PPP2R2B: variants seen among roughly 807,000 people sequenced by gnomAD.
PPP2R2B encodes the protein protein phosphatase 2 regulatory subunit Bbeta, also known as serine/threonine-protein phosphatase 2A 55 kDa regulatory subunit B beta isoform.
A neutral mutation model predicts 46.0 loss-of-function variants in PPP2R2B; 5 were observed. The observed-to-expected ratio is 0.11, with a 90% CI of 0.06 to 0.23. The LOEUF (loss-of-function observed/expected upper bound fraction) is 0.23, where lower values mean the gene tolerates loss of function less well. Among genes scored for constraint, PPP2R2B ranks in the 10% least tolerant of loss-of-function variants. The pLI is 1.00. For synonymous variants in PPP2R2B, 215 were observed against 206.7 expected (o/e 1.04, Z -0.34); for missense variants, 367 against 575.0 (o/e 0.64, Z 3.70).
Position 146,729,566 on chromosome 5 carries a change from G to A in PPP2R2B, c.71-28424C>T, listed in dbSNP as rs1752103310. ...CCATCACAGGCCCAGAGGCCCAGGG[G>A]GAAAAAGTGGTTTCCAGGACTGGGC... On this transcript the variant is annotated intron_variant, in intron 2 of 9. Coordinates refer to ENST00000394411, the MANE Select transcript of PPP2R2B (RefSeq NM_181675.4). Among the ~76,000 whole-genome samples, 3 of 152,186 alleles carry A rather than the reference G, an allele frequency of 2.0e-5. No homozygotes were observed. The South Asian group carries it at 6.2e-4, about 32-fold the overall frequency.
intron 1 of PPP2R2B, among the ~76,000 whole-genome samples, chr5:146,911,359 G>A (rs928788516): frequency 1.3e-5 from 2 of 152,194 alleles, no homozygotes; most frequent in Admixed American, 6.5e-5. Context: ...TAGGATTACA[G>A]GGGTAAGCCA....
chr5:146,641,934 G>A (rs187214330), intron 6 of PPP2R2B, among the ~76,000 whole-genome samples: 40 of 152,240 alleles, frequency 2.6e-4, no homozygotes, highest in Admixed American at 2.5e-3. Flanking sequence ...GCAAAACAGA[G>A]CATTGAATTC....
intron 2 of PPP2R2B, among the ~76,000 whole-genome samples, chr5:146,814,650 G>A (rs994047262): frequency 6.6e-6 from 1 of 152,202 alleles, no homozygotes; most frequent in African/African-American, 2.4e-5. Flanking sequence ...CACTGGATTG[G>A]TAAGGGGAAA....
At chr5:146,692,007 A>G (rs1778883427) in intron 4 of PPP2R2B, among the ~76,000 whole-genome samples, 1 of 152,110 alleles carries the variant, frequency 6.6e-6, no homozygotes, top group African/African-American at 2.4e-5. Context: ...ATTTTTCTTC[A>G]TGATACCTTT....
intron 4 of PPP2R2B, among the ~76,000 whole-genome samples, chr5:146,693,922 G>C (rs556496768): frequency 2.0e-5 from 3 of 152,316 alleles, no homozygotes; most frequent in African/African-American, 4.8e-5. Flanking sequence ...ACTGTCAGGG[G>C]AGAAAAGCCG....
intron 2 of PPP2R2B, among the ~76,000 whole-genome samples, chr5:146,868,926 T>C (rs1761463591): frequency 6.6e-6 from 1 of 152,216 alleles, no homozygotes; most frequent in Non-Finnish European, 1.5e-5. Context: ...AGTAATCATA[T>C]TATTCTGCTT....
At chr5:146,925,708 C>T (rs1291852025) in intron 1 of PPP2R2B, among the ~76,000 whole-genome samples, 1 of 152,066 alleles carries the variant, frequency 6.6e-6, no homozygotes, top group Non-Finnish European at 1.5e-5. Context: ...AAGTTTTGGC[C>T]ATTATTTTTT....
At chr5:146,932,420 T>C (rs150172868) in intron 1 of PPP2R2B, among the ~76,000 whole-genome samples, 1 of 152,296 alleles carries the variant, frequency 6.6e-6, no homozygotes, top group Non-Finnish European at 1.5e-5. Flanking sequence ...GTTACCCCTA[T>C]ACTGCTGTTC....
At chr5:146,822,866 G>A (rs989187193) in intron 2 of PPP2R2B, among the ~76,000 whole-genome samples, 3 of 152,178 alleles carry the variant, frequency 2.0e-5, no homozygotes, top group South Asian at 2.1e-4. Context: ...CCGTGCCTTT[G>A]TCATCTAGAT....
intron 1 of PPP2R2B, among the ~76,000 whole-genome samples, chr5:147,045,264 C>T (rs1376242034): frequency 6.6e-6 from 1 of 152,084 alleles, no homozygotes; most frequent in Non-Finnish European, 1.5e-5. Context: ...AATAATCAAC[C>T]ACATATACGA....
chr5:147,021,535 A>C (rs1755267499), intron 1 of PPP2R2B, among the ~76,000 whole-genome samples: 1 of 152,250 alleles, frequency 6.6e-6, no homozygotes, highest in Non-Finnish European at 1.5e-5. Context: ...ATCAACTATG[A>C]GAACCACCCC....
At chr5:147,076,708 C>A (rs1313967814) in intron 2 of PPP2R2B, among the ~76,000 whole-genome samples, 2 of 152,134 alleles carry the variant, frequency 1.3e-5, no homozygotes. Context: ...AGCCTAAGCA[C>A]TTTTATCTGT....
intron 2 of PPP2R2B, among the ~76,000 whole-genome samples, chr5:146,845,134 T>C (rs1759905989): frequency 6.6e-6 from 1 of 152,138 alleles, no homozygotes; most frequent in Non-Finnish European, 1.5e-5. Context: ...TTCTACTTGA[T>C]TAGCTTTCCC....
chr5:147,017,375 TG>T (rs1755053727), intron 1 of PPP2R2B, among the ~76,000 whole-genome samples: 1 of 151,612 alleles, frequency 6.6e-6, no homozygotes, highest in Non-Finnish European at 1.5e-5. Context: ...TCAGTCACAC[TG>T]GAACGTCTGT....
chr5:146,650,412 C>A, intron 6 of PPP2R2B, 135 bp downstream of exon 6: 1 of 725,274 alleles, frequency 1.4e-6, no homozygotes, highest in South Asian at 2.1e-5. Context: ...TCATAGGTGC[C>A]AGTGTATTTT....
intron 2 of PPP2R2B, among the ~76,000 whole-genome samples, chr5:146,719,336 T>C (rs1780661237): frequency 6.6e-6 from 1 of 152,358 alleles, no homozygotes; most frequent in Admixed American, 6.5e-5. Flanking sequence ...TATAGTATTT[T>C]ACCTAGAAGT....
At chr5:146,866,681 AC>A (rs1761330323) in intron 2 of PPP2R2B, among the ~76,000 whole-genome samples, 1 of 152,302 alleles carries the variant, frequency 6.6e-6, no homozygotes, top group Non-Finnish European at 1.5e-5. Context: ...TATCATATAT[AC>A]ATCATATGTA....
intron 2 of PPP2R2B, among the ~76,000 whole-genome samples, chr5:146,876,528 A>T (rs910073347): frequency 6.6e-6 from 1 of 152,226 alleles, no homozygotes; most frequent in Non-Finnish European, 1.5e-5. Context: ...GTCATGTGCT[A>T]TCAGGTCACT....
chr5:146,870,477 A>G (rs1761552222), intron 2 of PPP2R2B, among the ~76,000 whole-genome samples: 1 of 152,230 alleles, frequency 6.6e-6, no homozygotes, highest in Non-Finnish European at 1.5e-5. Context: ...ACATGGGAAG[A>G]GAGAACTCAC....
Sources: gnomAD v4.1 joint callset for allele counts (sites outside exome capture counted in the v4.1 genomes callset) on GRCh38, gnomAD v4.1.1 for gene constraint, MANE v1.5 for transcripts, NCBI Gene and HGNC (gene_info 2026-07-23, HGNC 2026-07-21) for gene names.